AWAT2: variants seen among roughly 807,000 people sequenced by gnomAD.
AWAT2 encodes 11-cis-RE-synthase.
A neutral mutation model predicts 22.3 loss-of-function variants in AWAT2; 9 were observed. The ratio of observed to expected loss-of-function variants is 0.40; its 90% CI spans 0.24 to 0.70. AWAT2 has a LOEUF of 0.70. AWAT2 is among the 30% of genes least tolerant of loss of function. The pLI, the probability that AWAT2 is intolerant of heterozygous loss-of-function variation, is 0.36. For synonymous variants in AWAT2, 100 were observed against 93.4 expected, an observed-to-expected ratio of 1.07 and a Z score of -0.40; for missense variants, 217 against 265.9, an observed-to-expected ratio of 0.82 and a Z score of 1.28.
intron 1 of AWAT2, among the ~76,000 whole-genome samples, chrX:70,048,545 T>C (rs149629384): frequency 0.025 from 2,768 of 111,825 alleles, 68 homozygotes; most frequent in African/African-American, 0.081. Flanking sequence ...TATTTCCTAT[T>C]TGTCCTTCAA....
In AWAT2 at chrX:70,048,483, C is replaced by G. The variant is rs1027166586; in HGVS notation, c.85+1365G>C. 2.7e-5 allele frequency among the ~76,000 whole-genome samples: 3 copies of G among 112,030 alleles called. No homozygotes were observed. The East Asian group carries it at 8.4e-4, about 31-fold the overall frequency. ...CATTATGTGCCCTTTGCCATCCTAG[C>G]TTTTCCATGTGTTGCCCACTCTCTG... On this transcript the variant is annotated intron_variant, in intron 1 of 7. Coordinates refer to ENST00000276101, the MANE Select transcript of AWAT2 (RefSeq NM_001002254.1).
At chrX:70,043,748 T>C in intron 3 of AWAT2, 66 bp from the exon 4 acceptor site, 3 of 1,072,959 alleles carry the variant, frequency 2.8e-6, no homozygotes, top group East Asian at 6.4e-5. Flanking sequence ...TGGGCAGAGA[T>C]CTGAAAGGAA....
At chrX:70,048,881 T>C (rs1434855283) in intron 1 of AWAT2, among the ~76,000 whole-genome samples, 1 of 111,852 alleles carries the variant, frequency 8.9e-6, no homozygotes, top group African/African-American at 3.3e-5. Flanking sequence ...CCAACCTATG[T>C]TGGACATTCA....
At position 70,041,346 on chromosome X, in the gene AWAT2, C is replaced by A. The variant is rs1179348244; in HGVS notation, c.*312G>T. On this transcript the variant is annotated 3_prime_UTR_variant, in exon 8 of 8. Coordinates refer to ENST00000276101, the MANE Select transcript of AWAT2 (RefSeq NM_001002254.1). ...GCCCACTGGCTCTCAAGGCCCCAGTCCTACTCCTGTAGGAAGCAGGACTCA... is the reference window on the plus strand; with the variant it reads ...GCCCACTGGCTCTCAAGGCCCCAGTACTACTCCTGTAGGAAGCAGGACTCA... The A allele has an allele frequency of 8.8e-6, 1 of 113,895 alleles. No individual in the cohort carries two copies. Among genetic ancestry groups the A allele is most frequent in the Non-Finnish European group, 1.8e-5 (1 of 54,602 alleles). 9.4% of individuals were successfully genotyped at this position (113,895 alleles called of 1,213,427 possible).
At position 70,041,631 on chromosome X, in the gene AWAT2, A is replaced by G. The variant is rs1482971775; in HGVS notation, c.*36-9T>C. On this transcript the variant is annotated splice_polypyrimidine_tract_variant and intron_variant, in intron 7 of 7. Transcript: ENST00000276101. ...GAAAGGGCAGAAAAGAGCTGGAAGGAAAAAAAAGGAGGTGGGAAAAGGAGT... is the reference window on the plus strand; with the variant it reads ...GAAAGGGCAGAAAAGAGCTGGAAGGGAAAAAAAGGAGGTGGGAAAAGGAGT... 8 of 426,162 alleles carry G rather than the reference A, an allele frequency of 1.9e-5. No individual in the cohort carries two copies. In the Admixed American group the frequency reaches 3.2e-4, roughly 17 times the overall value. 35.1% of individuals were successfully genotyped at this position (426,162 alleles called of 1,213,427 possible).
In AWAT2 at chrX:70,041,566, C is replaced by T. The variant is rs1164459907; in HGVS notation, c.*92G>A. The T allele has an allele frequency of 1.4e-5, 5 of 363,114 alleles. No homozygotes were observed. The highest frequency in any genetic ancestry group is 2.4e-5 in the Non-Finnish European group (5 of 212,316). The allele number at this position is 363,114 out of a possible 1,213,427, so 29.9% of individuals were successfully genotyped here. On this transcript the variant is annotated 3_prime_UTR_variant, in exon 8 of 8. Coordinates refer to ENST00000276101, the MANE Select transcript of AWAT2 (RefSeq NM_001002254.1). ...CGTCAGGGCACCTCTCCCCTAGGCT[C>T]TTCCCTGTTTCTTGGGACTATCTCA...
intron 3 of AWAT2, 26 bp from the exon 4 acceptor site, chrX:70,043,708 G>C (rs371161823): frequency 9.5e-6 from 11 of 1,163,923 alleles, no homozygotes; most frequent in Non-Finnish European, 1.2e-5. Context: ...GAATCAGGAG[G>C]GCTATTCCCA....
In AWAT2 at chrX:70,049,890, C is replaced by T; in HGVS notation, c.43G>A (p.Val15Ile). Residue 15 changes from valine (V) to isoleucine (I), a missense_variant, in exon 1 of 8, where the codon GTC (valine) becomes ATC (isoleucine). Physicochemically the swap from Val to Ile is conservative, Grantham distance 29. Transcript: ENST00000276101. ...AAGGACCACTGGAAAACAGCAAAGACATCCAGGGCAGTCTTGAGGTCCTTC... is the reference window on the plus strand; with the variant it reads ...AAGGACCACTGGAAAACAGCAAAGATATCCAGGGCAGTCTTGAGGTCCTTC... ...SKKDLKTALD[V>I]FAVFQWSFSA... 8.3e-7 allele frequency: 1 copy of T among 1,211,868 alleles called. No individual in the cohort carries two copies. The highest frequency in any genetic ancestry group is 1.8e-5 in the South Asian group (1 of 56,877).
chrX:70,049,379 A>G (rs763276441), intron 1 of AWAT2, among the ~76,000 whole-genome samples: 8 of 111,896 alleles, frequency 7.1e-5, no homozygotes, highest in Non-Finnish European at 1.5e-4. Context: ...GAAGACATGG[A>G]TGGATAAATT....
chrX:70,044,079 C>T, intron 2 of AWAT2, 83 bp from the exon 3 acceptor site: 1 of 1,046,587 alleles, frequency 9.6e-7, no homozygotes, highest in South Asian at 2.2e-5. Context: ...CTGCTGTTTC[C>T]TGGCCTCTTA....
intron 1 of AWAT2, among the ~76,000 whole-genome samples, chrX:70,048,791 A>T (rs2147529335): frequency 8.9e-6 from 1 of 111,779 alleles, no homozygotes; most frequent in East Asian, 2.8e-4. Flanking sequence ...TAATCCCTCA[A>T]GCCCCATTTT....
intron 1 of AWAT2, among the ~76,000 whole-genome samples, chrX:70,047,369 G>A (rs1285933946): frequency 8.9e-6 from 1 of 112,524 alleles, no homozygotes; most frequent in Non-Finnish European, 1.9e-5. Context: ...AGCAGTTCTA[G>A]GGTTTTGATA....
chrX:70,042,051 C>G (rs2020331804), intron 6 of AWAT2, 89 bp from the exon 7 acceptor site: 1 of 1,107,247 alleles, frequency 9.0e-7, no homozygotes, highest in African/African-American at 1.8e-5. Flanking sequence ...CCAGACTCTT[C>G]CCCATCCTCA....
intron 1 of AWAT2, among the ~76,000 whole-genome samples, chrX:70,048,850 C>T (rs1446301100): frequency 9.0e-6 from 1 of 111,418 alleles, no homozygotes; most frequent in Non-Finnish European, 1.9e-5. Context: ...TATCAATGTC[C>T]ACAGTGAGCG....
At chrX:70,042,971 C>G in intron 5 of AWAT2, 98 bp downstream of exon 5, 1 of 778,488 alleles carries the variant, frequency 1.3e-6, no homozygotes, top group Non-Finnish European at 1.8e-6. Flanking sequence ...ATACTTCCTC[C>G]TCTCTCTGTG....
intron 2 of AWAT2, 26 bp from the exon 3 acceptor site, chrX:70,044,022 G>A (rs2020347736): frequency 8.5e-7 from 1 of 1,170,230 alleles, no homozygotes; most frequent in Non-Finnish European, 1.1e-6. Flanking sequence ...ATGCAGCCAA[G>A]CTTTGTCCAT....
At chrX:70,044,623 G>C (rs2020351270) in intron 1 of AWAT2, among the ~76,000 whole-genome samples, 161 bp from the exon 2 acceptor site, 1 of 112,329 alleles carries the variant, frequency 8.9e-6, no homozygotes, top group Non-Finnish European at 1.9e-5. Context: ...ATCTGCCCAT[G>C]TTCCCAGCCC....
rs773923797 is a variant in AWAT2 at position 70,043,698 on chromosome X, G to A, written c.268-16C>T. ...TCTTCAGAAGCTGCGGAAGAAAGTA[G>A]AATCAGGAGGGCTATTCCCAGGGTA... On this transcript the variant is annotated splice_polypyrimidine_tract_variant and intron_variant, in intron 3 of 7. Coordinates refer to ENST00000276101, the MANE Select transcript of AWAT2 (RefSeq NM_001002254.1). 9.3e-6 allele frequency: 11 copies of A among 1,178,515 alleles called. No individual in the cohort carries two copies. In the South Asian group the frequency reaches 1.5e-4, roughly 16 times the overall value.
At chrX:70,048,970 C>T (rs1431665197) in intron 1 of AWAT2, among the ~76,000 whole-genome samples, 1 of 112,004 alleles carries the variant, frequency 8.9e-6, no homozygotes, top group Non-Finnish European at 1.9e-5. Context: ...CATACCTAGA[C>T]CATCCTGATT....
Sources: allele counts gnomAD v4.1 joint callset (sites outside exome capture counted in the v4.1 genomes callset), GRCh38; gene constraint gnomAD v4.1.1; transcripts MANE v1.5; gene names NCBI Gene and HGNC (gene_info 2026-07-23, HGNC 2026-07-21).